Variants in RB1CC1 observed in about 807,000 individuals in gnomAD.
RB1CC1 encodes RB1 inducible coiled-coil 1.
Under a neutral mutation model 177.5 loss-of-function variants are expected in RB1CC1, and 46 were observed. The observed-to-expected ratio is 0.26, with a 90% CI of 0.20 to 0.33. The LOEUF (loss-of-function observed/expected upper bound fraction) is 0.33. Among genes scored for constraint, RB1CC1 ranks in the 10% least tolerant of loss-of-function variants. The pLI is 1.00. For synonymous variants in RB1CC1, 666 were observed against 613.6 expected (o/e 1.09, Z -1.26); for missense variants, 1,703 against 1,816.3 (o/e 0.94, Z 1.13).
intron 1 of RB1CC1, among the ~76,000 whole-genome samples, chr8:52,703,081 T>G (rs917015593): frequency 5.3e-5 from 8 of 152,066 alleles, no homozygotes; most frequent in Non-Finnish European, 8.8e-5. Flanking sequence ...TTTCAGCAGT[T>G]TCTTTATCAG....
At chr8:52,661,768 G>A in intron 8 of RB1CC1, 49 bp from the exon 9 acceptor site, 1 of 1,364,456 alleles carries the variant, frequency 7.3e-7, no homozygotes, top group East Asian at 2.5e-5. Flanking sequence ...TTTCATGAAA[G>A]GTATGGACAT....
At chr8:52,646,200 C>T (rs931822270) in intron 15 of RB1CC1, among the ~76,000 whole-genome samples, 13 of 152,214 alleles carry the variant, frequency 8.5e-5, no homozygotes, top group East Asian at 7.7e-4. Flanking sequence ...CTGTGGCTCA[C>T]ACCTGTAATC....
Position 52,657,815 on chromosome 8 carries a change from G to A in RB1CC1, c.2014C>T (p.Pro672Ser). Residue 672 changes from proline (P) to serine (S), a missense_variant, in exon 15 of 24, where the codon CCA becomes TCA. By Grantham distance (74) the Pro-to-Ser change is moderately conservative. Coordinates refer to ENST00000025008, the MANE Select transcript of RB1CC1 (RefSeq NM_014781.5). ...AAGGGATCCTGAACAGTCAGTGGTG[G>A]AGGAGTTCTCGGTGAGGTAGTAGTT... ...ITTTTSPRTP[P>S]PLTVQDPLCP... The A allele has an allele frequency of 6.2e-7, 1 of 1,614,004 alleles. No individual in the cohort carries two copies. Among genetic ancestry groups the A allele is most frequent in the Non-Finnish European group, 8.5e-7 (1 of 1,179,996 alleles).
chr8:52,677,143 A>C (rs1465229355), intron 5 of RB1CC1, among the ~76,000 whole-genome samples: 2 of 152,212 alleles, frequency 1.3e-5, no homozygotes, highest in East Asian at 3.8e-4. Flanking sequence ...ATATGGAGAT[A>C]TATAAAGAAG....
intron 15 of RB1CC1, 138 bp downstream of exon 15, chr8:52,655,870 A>G (rs1168092112): frequency 1.6e-6 from 1 of 623,958 alleles, no homozygotes; most frequent in Non-Finnish European, 2.6e-6. Context: ...CTGACTAAAA[A>G]GTAAGTTTTT....
At chr8:52,630,790 G>A (rs976861851) in intron 20 of RB1CC1, among the ~76,000 whole-genome samples, 1 of 152,156 alleles carries the variant, frequency 6.6e-6, no homozygotes, top group Non-Finnish European at 1.5e-5. Context: ...GAAAAGGACA[G>A]ATTTTTCAAG....
At chr8:52,662,033 C>T (rs1033986378) in intron 8 of RB1CC1, among the ~76,000 whole-genome samples, 2 of 152,014 alleles carry the variant, frequency 1.3e-5, no homozygotes, top group African/African-American at 4.8e-5. Context: ...TCCTATAACA[C>T]TATCGGTCAG....
intron 18 of RB1CC1, among the ~76,000 whole-genome samples, chr8:52,640,999 C>T (rs911989632): frequency 2.0e-5 from 3 of 152,204 alleles, no homozygotes; most frequent in Middle Eastern, 3.4e-3. Flanking sequence ...CAACTAACTG[C>T]GTTCCTCTGA....
At chr8:52,635,966 C>G in intron 19 of RB1CC1, 49 bp downstream of exon 19, 1 of 1,588,912 alleles carries the variant, frequency 6.3e-7, no homozygotes. Context: ...TAACTGTATC[C>G]AAAAGTGAAC....
chr8:52,632,284 C>T (rs183326323), intron 20 of RB1CC1, among the ~76,000 whole-genome samples: 40 of 152,260 alleles, frequency 2.6e-4, no homozygotes, highest in African/African-American at 8.7e-4. Context: ...AAACCAAGGA[C>T]AGATAAGGAT....
intron 5 of RB1CC1, 97 bp from the exon 6 acceptor site, chr8:52,676,668 G>C (rs1055418309): frequency 1.7e-4 from 175 of 1,045,746 alleles, no homozygotes; most frequent in Non-Finnish European, 2.2e-4. Context: ...TGGATGCGTT[G>C]TAGAGCACAT....
intron 20 of RB1CC1, among the ~76,000 whole-genome samples, chr8:52,632,548 A>C (rs958125453): frequency 6.6e-6 from 1 of 152,216 alleles, no homozygotes; most frequent in Non-Finnish European, 1.5e-5. Context: ...TTTTTTATAT[A>C]TTACAAATGA....
intron 7 of RB1CC1, among the ~76,000 whole-genome samples, chr8:52,668,953 T>C (rs1338484531): frequency 6.6e-6 from 1 of 152,200 alleles, no homozygotes; most frequent in African/African-American, 2.4e-5. Flanking sequence ...GTCTAATCTT[T>C]CTAAAACAGA....
intron 1 of RB1CC1, among the ~76,000 whole-genome samples, chr8:52,688,904 C>T (rs1207686504): frequency 6.6e-6 from 1 of 152,142 alleles, no homozygotes; most frequent in Non-Finnish European, 1.5e-5. Flanking sequence ...ATAGAACCTA[C>T]AGTGAAATAT....
At chr8:52,707,655 C>T (rs183132646) in intron 1 of RB1CC1, among the ~76,000 whole-genome samples, 135 of 152,220 alleles carry the variant, frequency 8.9e-4, no homozygotes, top group African/African-American at 3.2e-3. Context: ...CCAAGGTAGT[C>T]AGGCTGCTTC....
chr8:52,670,008 C>T (rs1394951515), intron 7 of RB1CC1, among the ~76,000 whole-genome samples: 1 of 152,196 alleles, frequency 6.6e-6, no homozygotes, highest in African/African-American at 2.4e-5. Flanking sequence ...AGATAGAGTG[C>T]ACTGGCATGA....
intron 15 of RB1CC1, among the ~76,000 whole-genome samples, chr8:52,649,286 A>G (rs575850743): frequency 6.6e-6 from 1 of 152,336 alleles, no homozygotes; most frequent in East Asian, 1.9e-4. Flanking sequence ...AACTCAAGGA[A>G]GCAGATACAT....
intron 8 of RB1CC1, among the ~76,000 whole-genome samples, chr8:52,662,015 G>A (rs1222107893): frequency 6.6e-6 from 1 of 151,986 alleles, no homozygotes; most frequent in African/African-American, 2.4e-5. Context: ...GAAGCTATGT[G>A]TCTAGAATCC....
chr8:52,666,112 A>G (rs535826663), intron 8 of RB1CC1, among the ~76,000 whole-genome samples: 58 of 152,262 alleles, frequency 3.8e-4, no homozygotes, highest in African/African-American at 1.3e-3. Flanking sequence ...GCAAACATAA[A>G]TTATCTGCAG....
Sources: allele counts gnomAD v4.1 joint callset (sites outside exome capture counted in the v4.1 genomes callset), GRCh38; gene constraint gnomAD v4.1.1; transcripts MANE v1.5; gene names NCBI Gene and HGNC (gene_info 2026-07-23, HGNC 2026-07-21).